Variants in CNTN5 observed in about 807,000 individuals in gnomAD.
The protein encoded by CNTN5 is contactin-5.
A neutral mutation model predicts 129.1 loss-of-function variants in CNTN5; 77 were observed. The ratio of observed to expected loss-of-function variants is 0.60; its 90% CI spans 0.50 to 0.72. CNTN5 has a LOEUF of 0.72. Ranked by LOEUF, CNTN5 falls within the 30% of genes least tolerant of loss-of-function variation. The pLI is 0.00. For synonymous variants in CNTN5, 509 were observed against 465.6 expected, an observed-to-expected ratio of 1.09 and a Z score of -1.20; for missense variants, 1,478 against 1,328.8, an observed-to-expected ratio of 1.11 and a Z score of -1.75.
chr11:99,023,049 T>C (rs901847329), intron 1 of CNTN5, among the ~76,000 whole-genome samples: 3 of 152,196 alleles, frequency 2.0e-5, no homozygotes, highest in Admixed American at 6.5e-5. Context: ...AAGGTGCTTT[T>C]GGAAATACAT....
intron 3 of CNTN5, among the ~76,000 whole-genome samples, chr11:99,561,525 G>T (rs1035181530): frequency 6.6e-6 from 1 of 152,096 alleles, no homozygotes; most frequent in African/African-American, 2.4e-5. Context: ...ATACTGACTT[G>T]TTTCCAAAGA....
chr11:99,986,487 C>T (rs770033228), intron 8 of CNTN5, among the ~76,000 whole-genome samples: 2 of 152,096 alleles, frequency 1.3e-5, no homozygotes, highest in South Asian at 2.1e-4. Flanking sequence ...CAGTTTTGTG[C>T]CCTAGACTCC....
chr11:99,689,501 T>G (rs1953943423), intron 3 of CNTN5, among the ~76,000 whole-genome samples: 1 of 111,386 alleles, frequency 9.0e-6, no homozygotes, highest in African/African-American at 3.5e-5. Flanking sequence ...CACTCTACCC[T>G]GGGCGACAGA....
At chr11:100,123,345 A>C (rs574020516) in intron 13 of CNTN5, among the ~76,000 whole-genome samples, 6 of 152,198 alleles carry the variant, frequency 3.9e-5, no homozygotes, top group Non-Finnish European at 7.4e-5. Flanking sequence ...TCTAGTCTTA[A>C]TATTCCATGC....
intron 24 of CNTN5, 107 bp downstream of exon 24, chr11:100,350,977 G>T: frequency 1.2e-6 from 1 of 806,334 alleles, no homozygotes. Flanking sequence ...GAGATTTTGA[G>T]GGATTTCTCC....
chr11:99,023,631 C>A lies in CNTN5; in HGVS notation c.-210+2361C>A, dbSNP rs7928390. 4.2e-3 allele frequency among the ~76,000 whole-genome samples: 644 copies of A among 152,252 alleles called. 2 individuals carry two copies. The highest frequency in any genetic ancestry group is 0.015 in the African/African-American group (607 of 41,564). On this transcript the variant is annotated intron_variant, in intron 1 of 24. Coordinates refer to ENST00000524871, the MANE Select transcript of CNTN5 (RefSeq NM_014361.4). ...TTGATTGGCTAAAACAAAGTTGTAG[C>A]AGAGTTTAGTGTCTCCTTCATCAGT...
intron 2 of CNTN5, among the ~76,000 whole-genome samples, chr11:99,458,425 A>G (rs1910710): frequency 0.3 from 46,107 of 151,812 alleles, 7,480 homozygotes; most frequent in South Asian, 0.38. Flanking sequence ...TGCGCTATAA[A>G]AAGACTCAAG....
At chr11:100,200,202 G>T (rs957770729) in intron 15 of CNTN5, among the ~76,000 whole-genome samples, 3 of 151,864 alleles carry the variant, frequency 2.0e-5, no homozygotes, top group Non-Finnish European at 2.9e-5. Flanking sequence ...GGAAAGTAGT[G>T]CTGTATTGAT....
At chr11:99,735,307 G>A (rs542175160) in intron 3 of CNTN5, among the ~76,000 whole-genome samples, 4 of 152,230 alleles carry the variant, frequency 2.6e-5, no homozygotes, top group South Asian at 4.1e-4. Context: ...GTTGTCTTGA[G>A]TTTAACTCCT....
chr11:100,068,122 A>C, intron 10 of CNTN5, among the ~76,000 whole-genome samples: 1 of 152,310 alleles, frequency 6.6e-6, no homozygotes, highest in East Asian at 1.9e-4. Flanking sequence ...AAGTCTAACA[A>C]ATACAATCAG....
At chr11:99,401,614 G>A (rs995399377) in intron 2 of CNTN5, among the ~76,000 whole-genome samples, 3 of 152,038 alleles carry the variant, frequency 2.0e-5, no homozygotes, top group South Asian at 2.1e-4. Flanking sequence ...ATATTTCTGT[G>A]AATAATGTCA....
chr11:100,088,390 A>G (rs1447390891), intron 13 of CNTN5, among the ~76,000 whole-genome samples: 1 of 152,104 alleles, frequency 6.6e-6, no homozygotes, highest in Non-Finnish European at 1.5e-5. Flanking sequence ...CTAAAATTAG[A>G]GCAGAGCTGA....
intron 1 of CNTN5, among the ~76,000 whole-genome samples, chr11:99,085,140 G>A (rs1865953745): frequency 6.6e-6 from 1 of 151,940 alleles, no homozygotes; most frequent in Non-Finnish European, 1.5e-5. Flanking sequence ...TGCCTCCTGG[G>A]TTGAAGCCAT....
chr11:99,162,364 A>T (rs541789094), intron 1 of CNTN5, among the ~76,000 whole-genome samples: 7 of 152,108 alleles, frequency 4.6e-5, no homozygotes, highest in Non-Finnish European at 7.4e-5. Flanking sequence ...CTTTTAGATG[A>T]ACTCCTGGTG....
chr11:99,088,698 G>A (rs1039901498), intron 1 of CNTN5, among the ~76,000 whole-genome samples: 2 of 152,098 alleles, frequency 1.3e-5, no homozygotes, highest in African/African-American at 4.8e-5. Context: ...GAGCAATCTA[G>A]GCACTGAGTA....
intron 1 of CNTN5, among the ~76,000 whole-genome samples, chr11:99,250,897 C>G (rs905960730): frequency 1.1e-4 from 17 of 151,830 alleles, no homozygotes; most frequent in Admixed American, 2.0e-4. Context: ...ACAGTGTGGT[C>G]TGAAGAAACA....
chr11:99,321,256 C>T (rs1256607452), intron 1 of CNTN5, among the ~76,000 whole-genome samples: 2 of 151,590 alleles, frequency 1.3e-5, no homozygotes, highest in African/African-American at 2.4e-5. Context: ...GACAGACATA[C>T]ACACACATAC....
chr11:100,335,395 A>G (rs1248120258), intron 21 of CNTN5, among the ~76,000 whole-genome samples: 1 of 152,188 alleles, frequency 6.6e-6, no homozygotes, highest in Non-Finnish European at 1.5e-5. Context: ...GTCACACCAG[A>G]AAATCAAATA....
At chr11:99,286,531 A>G (rs1286207380) in intron 1 of CNTN5, among the ~76,000 whole-genome samples, 2 of 152,162 alleles carry the variant, frequency 1.3e-5, no homozygotes, top group Non-Finnish European at 1.5e-5. Flanking sequence ...GTATTTAAAT[A>G]AGTCTAGTTA....
Sources: allele counts gnomAD v4.1 joint callset (sites outside exome capture counted in the v4.1 genomes callset), GRCh38; gene constraint gnomAD v4.1.1; transcripts MANE v1.5; gene names NCBI Gene and HGNC (gene_info 2026-07-23, HGNC 2026-07-21).